The following MTFR1 variants were observed in gnomAD, a reference collection of about 807,000 sequenced individuals.
The protein encoded by MTFR1 is chondrocyte protein with a poly-proline region.
Under a neutral mutation model 38.8 loss-of-function variants are expected in MTFR1, and 28 were observed. That is an observed-to-expected ratio of 0.72 (90% confidence interval 0.53 to 0.99). The LOEUF (loss-of-function observed/expected upper bound fraction) is 0.99, where lower values mean the gene tolerates loss of function less well. Among genes scored for constraint, MTFR1 ranks in the 50% least tolerant of loss-of-function variants. The pLI, the probability that MTFR1 is intolerant of heterozygous loss-of-function variation, is 0.00. For missense variants in MTFR1, 358 were observed against 395.5 expected (o/e 0.91, Z 0.81); for synonymous variants, 145 against 137.0 (o/e 1.06, Z -0.41).
At chr8:65,756,792 A>G (rs1416342211) in intron 3 of MTFR1, among the ~76,000 whole-genome samples, 2 of 151,640 alleles carry the variant, frequency 1.3e-5, no homozygotes, top group African/African-American at 2.4e-5. Flanking sequence ...CCTGTGGGCT[A>G]TATTTTCCTG....
intron 1 of MTFR1, among the ~76,000 whole-genome samples, chr8:65,662,055 C>T (rs1205329461): frequency 7.9e-5 from 7 of 88,862 alleles, no homozygotes; most frequent in Non-Finnish European, 1.8e-4. Flanking sequence ...CTCTCTCTCC[C>T]TCTCTCTCTC....
chr8:65,693,269 C>T (rs764006289), intron 3 of MTFR1, among the ~76,000 whole-genome samples: 5 of 151,866 alleles, frequency 3.3e-5, no homozygotes, highest in East Asian at 3.9e-4. Context: ...GGCATGGTGG[C>T]GTGTGCCTGT....
chr8:65,762,319 A>G (rs561043667), intron 3 of MTFR1, among the ~76,000 whole-genome samples: 1 of 152,196 alleles, frequency 6.6e-6, no homozygotes, highest in East Asian at 1.9e-4. Flanking sequence ...TACGGGACAC[A>G]TTTTCTTAGA....
At chr8:65,673,434 G>A (rs895320750) in intron 2 of MTFR1, among the ~76,000 whole-genome samples, 4 of 151,444 alleles carry the variant, frequency 2.6e-5, no homozygotes, top group African/African-American at 7.3e-5. Context: ...GTAGAGGGGT[G>A]GGGGGCAAGG....
chr8:65,697,275 G>T (rs897745511), intron 4 of MTFR1, among the ~76,000 whole-genome samples: 1 of 152,102 alleles, frequency 6.6e-6, no homozygotes, highest in Non-Finnish European at 1.5e-5. Context: ...GTGAGCCACC[G>T]CGCCTGGCCA....
At chr8:65,768,139 G>C (rs1283588570) in intron 3 of MTFR1, among the ~76,000 whole-genome samples, 1 of 152,326 alleles carries the variant, frequency 6.6e-6, no homozygotes, top group East Asian at 1.9e-4. Flanking sequence ...CTGTGTTGAT[G>C]ACTGCCATGG....
At chr8:65,778,530 T>C in the MTFR1 span, among the ~76,000 whole-genome samples, 1 of 152,190 alleles carries the variant, frequency 6.6e-6, no homozygotes, top group East Asian at 1.9e-4. Flanking sequence ...CCAAACTTGA[T>C]ATATACCCTG....
intron 4 of MTFR1, among the ~76,000 whole-genome samples, chr8:65,700,540 A>G (rs1047067990): frequency 2.0e-5 from 3 of 152,268 alleles, no homozygotes; most frequent in Admixed American, 2.0e-4. Flanking sequence ...TTTAACTAAC[A>G]GAAGCATTGA....
chr8:65,724,343 C>G, intron 3 of MTFR1: 17 of 1,610,510 alleles, frequency 1.1e-5, no homozygotes, highest in Non-Finnish European at 1.4e-5. Context: ...CAGCACATTT[C>G]AAAGCCATCT....
At chr8:65,674,228 C>T (rs773153700) in intron 2 of MTFR1, among the ~76,000 whole-genome samples, 1 of 151,978 alleles carries the variant, frequency 6.6e-6, no homozygotes, top group Non-Finnish European at 1.5e-5. Flanking sequence ...CCACTGCGTC[C>T]GTCCTTTTAA....
chr8:65,771,012 AT>A, exon 4 of MTFR1: 1 of 364,324 alleles, frequency 2.7e-6, no homozygotes, highest in South Asian at 2.2e-5. Context: ...CTGAAGATAA[AT>A]TTATAAGCCT....
rs913405237 is a variant in MTFR1 at position 65,755,008 on chromosome 8, AT to A, written c.*49-15929del. ...AAAATTCTTCCATCATTGCCTGTTTATTTTTTTTTTCACTTATTTTTTTTTT... is the reference window on the plus strand; with the variant it reads ...AAAATTCTTCCATCATTGCCTGTTTATTTTTTTTTCACTTATTTTTTTTTT... On this transcript the variant is annotated intron_variant, in intron 3 of 3. Coordinates refer to the MTFR1 transcript ENST00000521247. Among the ~76,000 whole-genome samples, 17 of 143,334 alleles carry A rather than the reference AT, an allele frequency of 1.2e-4. No individual in the cohort carries two copies. The East Asian group carries it at 2.4e-3, about 21-fold the overall frequency. The allele number at this position is 143,334 out of a possible 152,430, so 94.0% of individuals were successfully genotyped here.
At chr8:65,659,475 T>TCA (rs1366926709) in intron 1 of MTFR1, among the ~76,000 whole-genome samples, 6 of 151,508 alleles carry the variant, frequency 4.0e-5, no homozygotes, top group Non-Finnish European at 7.4e-5. Context: ...TGCCTCTGTG[T>TCA]CACTCCCCCA....
downstream of MTFR1, among the ~76,000 whole-genome samples, chr8:65,713,939 C>T (rs891855599): frequency 3.7e-4 from 56 of 152,052 alleles, no homozygotes; most frequent in Admixed American, 2.6e-4. Context: ...CTGTCCGCCT[C>T]AGCCTCCCAA....
At chr8:65,704,963 G>A in intron 5 of MTFR1, 34 bp downstream of exon 5, 1 of 1,500,438 alleles carries the variant, frequency 6.7e-7, no homozygotes, top group Non-Finnish European at 9.1e-7. Context: ...GTTTTAACTT[G>A]CAAACTAGAA....
intron 3 of MTFR1, among the ~76,000 whole-genome samples, chr8:65,683,297 A>G (rs1172711276): frequency 6.6e-6 from 1 of 151,826 alleles, no homozygotes; most frequent in Non-Finnish European, 1.5e-5. Flanking sequence ...ACGGCCAGCT[A>G]ATTTTTGTGT....
At chr8:65,698,704 A>G (rs925846516) in intron 4 of MTFR1, among the ~76,000 whole-genome samples, 5 of 151,236 alleles carry the variant, frequency 3.3e-5, no homozygotes, top group African/African-American at 9.7e-5. Flanking sequence ...TCTACTCTCA[A>G]GTAGGCCCTG....
chr8:65,688,537 C>T (rs1165292113), intron 3 of MTFR1, among the ~76,000 whole-genome samples: 1 of 150,304 alleles, frequency 6.7e-6, no homozygotes, highest in Non-Finnish European at 1.5e-5. Context: ...CAAGCTCCGC[C>T]TCCCAGGTTC....
chr8:65,749,696 A>C (rs1260608400), intron 3 of MTFR1, among the ~76,000 whole-genome samples: 1 of 152,252 alleles, frequency 6.6e-6, no homozygotes, highest in East Asian at 1.9e-4. Context: ...ACATGAGAAC[A>C]CTGTGCCTAC....
Sources: gnomAD v4.1 joint callset for allele counts (sites outside exome capture counted in the v4.1 genomes callset) on GRCh38, gnomAD v4.1.1 for gene constraint, MANE v1.5 for transcripts, NCBI Gene and HGNC (gene_info 2026-07-23, HGNC 2026-07-21) for gene names.